HSPG2: variants seen among roughly 807,000 people sequenced by gnomAD.
HSPG2 encodes basement membrane-specific heparan sulfate proteoglycan core protein.
A neutral mutation model predicts 526.6 loss-of-function variants in HSPG2; 278 were observed. The observed-to-expected ratio is 0.53, with a 90% CI of 0.48 to 0.58. The LOEUF is 0.58. HSPG2 is among the 20% of genes least tolerant of loss of function. The probability of loss-of-function intolerance (pLI) is 0.00; values close to 1 mark genes in which losing one functional copy is unlikely to be tolerated. For missense variants in HSPG2, 5,354 were observed against 6,099.5 expected, an observed-to-expected ratio of 0.88 and a Z score of 4.07; for synonymous variants, 2,465 against 2,555.4, an observed-to-expected ratio of 0.96 and a Z score of 1.07.
At chr1:21,831,355 G>A (rs1160039540) in intron 83 of HSPG2, 31 bp from the exon 84 acceptor site, 3 of 1,607,774 alleles carry the variant, frequency 1.9e-6, no homozygotes, top group South Asian at 2.2e-5. Context: ...ATGAGCACAG[G>A]GCAGGGTGTC....
intron 1 of HSPG2, among the ~76,000 whole-genome samples, chr1:21,923,758 C>T (rs993023284): frequency 1.3e-5 from 2 of 151,772 alleles, no homozygotes; most frequent in Admixed American, 1.3e-4. Flanking sequence ...CTCAGCCTCT[C>T]TCCCCTATCA....
In HSPG2 at chr1:21,864,903, G is replaced by C. The variant is rs780364119; in HGVS notation, c.4566C>G (p.Pro1522=). ...GGCACTCCTCCACCTCGAGGGCGCG[G>C]GGTCTGTTTGAGGGCCCCGGCTGGG... The part of the protein sequence containing the change: ...EVAQPGPSNR[P]RALEVEECRC... The change falls in exon 36 of 97, where the codon CCC becomes CCG. Residue 1522 remains proline, a synonymous_variant. Transcript: ENST00000374695. The surrounding 1 kb of genome is among the most constrained non-coding windows in gnomAD (Gnocchi z 4.8). 5 of 1,610,116 alleles carry C rather than the reference G, an allele frequency of 3.1e-6. No homozygotes were observed. In the African/African-American group the frequency reaches 5.3e-5, roughly 17 times the overall value.
Position 21,848,231 on chromosome 1 carries a change from A to G in HSPG2, c.7738-138T>C, listed in dbSNP as rs1444036379. The G allele has an allele frequency of 2.9e-6, 3 of 1,033,494 alleles. No individual in the cohort carries two copies. The highest frequency in any genetic ancestry group is 5.2e-5 in the East Asian group (2 of 38,610). 64.0% of individuals were successfully genotyped at this position (1,033,494 alleles called of 1,614,324 possible). ...CAGTGGCCTTCGTGAAGCTCCCAGCATGGCATGTGGCCTGTCTCTGGGCTG... is the reference window on the plus strand; with the variant it reads ...CAGTGGCCTTCGTGAAGCTCCCAGCGTGGCATGTGGCCTGTCTCTGGGCTG... On this transcript the variant is annotated intron_variant, in intron 59 of 96. Coordinates refer to ENST00000374695, the MANE Select transcript of HSPG2 (RefSeq NM_005529.7). The surrounding 1 kb of genome is among the most constrained non-coding windows in gnomAD (Gnocchi z 4.9).
intron 2 of HSPG2, 59 bp from the exon 3 acceptor site, chr1:21,896,025 G>C: frequency 1.3e-6 from 2 of 1,593,940 alleles, no homozygotes; most frequent in Non-Finnish European, 1.7e-6. Flanking sequence ...TACCTACTGG[G>C]TGTCAGGCAC....
At chr1:21,876,747 A>G (rs1170791803) in intron 21 of HSPG2, 95 bp from the exon 22 acceptor site, 4 of 1,538,242 alleles carry the variant, frequency 2.6e-6, no homozygotes, top group African/African-American at 1.4e-5. Context: ...AGAACCCAAG[A>G]CCCAGGGGAG....
At chr1:21,856,235 A>G (rs1387698142) in intron 44 of HSPG2, among the ~76,000 whole-genome samples, 1 of 152,114 alleles carries the variant, frequency 6.6e-6, no homozygotes, top group East Asian at 1.9e-4. Context: ...CCTCAAACAT[A>G]GCAACGTGCT....
In HSPG2 at chr1:21,854,271, T is replaced by C. The variant is rs1436044134; in HGVS notation, c.6361A>G (p.Asn2121Asp). The change falls in exon 50 of 97, where the codon AAT becomes GAT. Residue 2121 changes from asparagine (N) to aspartate (D), a missense_variant. By Grantham distance (23) the Asn-to-Asp change is conservative. Coordinates refer to ENST00000374695, the MANE Select transcript of HSPG2 (RefSeq NM_005529.7). ...GAGGCCTCCTTGGGGCCCGATCCAT[T>C]CTCCACACGGCACACATATTCTCCA... ...DSGEYVCRVE[N>D]GSGPKEASIT... The C allele has an allele frequency of 6.3e-7, 1 of 1,581,504 alleles. No individual in the cohort carries two copies. Among genetic ancestry groups the C allele is most frequent in the Admixed American group, 1.8e-5 (1 of 55,042 alleles).
chr1:21,878,667 C>T lies in HSPG2; in HGVS notation c.2472-4G>A, dbSNP rs1039315006. ...CAGGAAGCAAGTGTCTGAGAATCTG[C>T]AGGTATCAAGTGGACAGGGCATGGG... is the stretch of plus-strand genomic sequence containing the variant. On this transcript the variant is annotated splice_region_variant and splice_polypyrimidine_tract_variant and intron_variant, in intron 18 of 96. Transcript: ENST00000374695. 9 of 1,613,722 alleles carry T rather than the reference C, an allele frequency of 5.6e-6. No homozygotes were observed. Among genetic ancestry groups the T allele is most frequent in the African/African-American group, 2.7e-5 (2 of 75,030 alleles).
Position 21,857,035 on chromosome 1 carries a change from G to C in HSPG2, c.5555C>G (p.Thr1852Arg). 6.2e-7 allele frequency: 1 copy of C among 1,614,154 alleles called. No individual in the cohort carries two copies. Among genetic ancestry groups the C allele is most frequent in the South Asian group, 1.1e-5 (1 of 91,084 alleles). Residue 1852 changes from threonine to arginine, a missense_variant, in exon 44 of 97, where the codon ACA (threonine) becomes AGA (arginine). Thr to Arg is a moderately conservative substitution (Grantham distance 71). Coordinates refer to ENST00000374695, the MANE Select transcript of HSPG2 (RefSeq NM_005529.7). The stretch of plus-strand genomic sequence containing the variant: ...TGTACCCTGCACATGTAGAGTGGCT[G>C]TGCCCTGGTCCATGGCAAACATGTT... ...GSNMFAMDQG[T>R]ATLHVQASGT...
chr1:21,846,214 G>C lies in HSPG2; in HGVS notation c.8358C>G (p.Ala2786=). 6.2e-7 allele frequency: 1 copy of C among 1,613,000 alleles called. No homozygotes were observed. The highest frequency in any genetic ancestry group is 8.5e-7 in the Non-Finnish European group (1 of 1,179,984). Residue 2786 remains alanine (A), a synonymous_variant, in exon 64 of 97, where the codon GCC becomes GCG. Transcript: ENST00000374695. Reference sequence around the variant, plus strand: ...CCCGGCACACGTATTCACCCGAGTCGGCCGGGGACACATGGTGCAGCCGCA... The same window carrying C: ...CCCGGCACACGTATTCACCCGAGTCCGCCGGGGACACATGGTGCAGCCGCA... The part of the protein sequence containing the change: ...SRLRLHHVSP[A]DSGEYVCRVM...
rs767929988 is a variant in HSPG2 at position 21,846,245 on chromosome 1, G to A, written c.8327C>T (p.Ser2776Leu). The A allele has an allele frequency of 1.2e-6, 2 of 1,613,074 alleles. No individual in the cohort carries two copies. Among genetic ancestry groups the A allele is most frequent in the Non-Finnish European group, 1.7e-6 (2 of 1,179,998 alleles). The change falls in exon 64 of 97, where the codon TCA becomes TTA. Residue 2776 changes from serine to leucine, a missense_variant. Transcript: ENST00000374695. Reference sequence around the variant, plus strand: ...GGACACATGGTGCAGCCGCAGCCGTGAGCCGCGGGTCTGAATAGGGGACAG... The same window carrying A: ...GGACACATGGTGCAGCCGCAGCCGTAAGCCGCGGGTCTGAATAGGGGACAG... ...SLPSHHQTRG[S>L]RLRLHHVSPA...
At chr1:21,892,406 G>A (rs1359470251) in intron 3 of HSPG2, among the ~76,000 whole-genome samples, 1 of 152,274 alleles carries the variant, frequency 6.6e-6, no homozygotes, top group Non-Finnish European at 1.5e-5. Context: ...GGGGACTGGA[G>A]CTCCACAAAG....
intron 1 of HSPG2, among the ~76,000 whole-genome samples, chr1:21,912,837 C>G (rs776508155): frequency 6.6e-6 from 1 of 152,052 alleles, no homozygotes; most frequent in South Asian, 2.1e-4. Flanking sequence ...AAAATTAGCA[C>G]AGCATGGTGG....
intron 44 of HSPG2, among the ~76,000 whole-genome samples, 171 bp from the exon 45 acceptor site, chr1:21,856,083 C>T (rs1042916216): frequency 3.3e-5 from 5 of 152,326 alleles, no homozygotes; most frequent in African/African-American, 1.2e-4. Flanking sequence ...TGACCTCCCA[C>T]CTTGAGACCT....
At chr1:21,874,582 T>C in intron 27 of HSPG2, 34 bp downstream of exon 27, 2 of 1,613,876 alleles carry the variant, frequency 1.2e-6, no homozygotes, top group African/African-American at 2.7e-5. Flanking sequence ...AGGCCACAGA[T>C]TGCTGGGGTG....
Position 21,880,683 on chromosome 1 carries a change from CA to C in HSPG2, c.1970del (p.Leu657ArgfsTer125), listed in dbSNP as rs772199168. The C allele has an allele frequency of 6.3e-7, 1 of 1,598,602 alleles. No individual in the cohort carries two copies. Among genetic ancestry groups the C allele is most frequent in the South Asian group, 1.1e-5 (1 of 88,618 alleles). On this transcript the variant is annotated frameshift_variant, in exon 15 of 97. Transcript: ENST00000374695. LOFTEE classifies it high-confidence loss of function. ...RGHTPTQPGA[L>X]NQRQVQFSEE... ...CAGAGAACTGGACCTGGCGCTGGTT[CA>C]GAGCACCAGGTTGGGTGGGTGTGTG...
At chr1:21,932,730 C>T (rs1396825672) in intron 1 of HSPG2, among the ~76,000 whole-genome samples, 2 of 152,098 alleles carry the variant, frequency 1.3e-5, no homozygotes, top group Admixed American at 6.6e-5. Flanking sequence ...GAACAGCAGA[C>T]GCAGAGACCC....
chr1:21,872,164 C>G lies in HSPG2; in HGVS notation c.4221+22G>C. ...ACTCATGTCTGAGTCACGGCTGACC[C>G]TGGTGCTTGGCTGGGGCCCACCTTG... On this transcript the variant is annotated intron_variant, in intron 33 of 96. Coordinates refer to ENST00000374695, the MANE Select transcript of HSPG2 (RefSeq NM_005529.7). The surrounding 1 kb of genome is among the most constrained non-coding windows in gnomAD (Gnocchi z 5.5). 2 of 1,551,406 alleles carry G rather than the reference C, an allele frequency of 1.3e-6. No homozygotes were observed. The highest frequency in any genetic ancestry group is 8.7e-7 in the Non-Finnish European group (1 of 1,146,864).
chr1:21,907,976 A>G lies in HSPG2; in HGVS notation c.64-11666T>C. The G allele has an allele frequency of 5.1e-6, 3 of 584,562 alleles. No individual in the cohort carries two copies. In the South Asian group the frequency reaches 5.2e-5, roughly 10 times the overall value. The allele number at this position is 584,562 out of a possible 1,614,324, so 36.2% of individuals were successfully genotyped here. A position where few individuals can be genotyped will look rare whatever the true frequency, so the allele number is the denominator to read the frequency against. On this transcript the variant is annotated intron_variant, in intron 1 of 96. Coordinates refer to ENST00000374695, the MANE Select transcript of HSPG2 (RefSeq NM_005529.7). ...TTCATAGTAATAATATCTATCTCAT[A>G]CGGCTGTTGTGAGGGTTAAATACAG...
Sources: allele counts gnomAD v4.1 joint callset (sites outside exome capture counted in the v4.1 genomes callset), GRCh38; gene constraint gnomAD v4.1.1; non-coding constraint Gnocchi (gnomAD v3.1); transcripts MANE v1.5; gene names NCBI Gene and HGNC (gene_info 2026-07-23, HGNC 2026-07-21).